PARD6G: variants seen among roughly 807,000 people sequenced by gnomAD.
The protein encoded by PARD6G is partitioning defective 6 homolog gamma.
PARD6G carries 7 observed loss-of-function variants against 10.7 expected under a neutral mutation model. That is an observed-to-expected ratio of 0.66 (90% CI 0.37 to 1.23). The LOEUF (loss-of-function observed/expected upper bound fraction) is 1.23, where lower values mean the gene tolerates loss of function less well. Ranked by LOEUF, PARD6G falls within the 50% of genes most tolerant of loss-of-function variation. The probability of loss-of-function intolerance (pLI) is 0.02; values close to 1 mark genes in which losing one functional copy is unlikely to be tolerated. For synonymous variants in PARD6G, 287 were observed against 269.4 expected, an observed-to-expected ratio of 1.07 and a Z score of -0.64; for missense variants, 548 against 571.8, an observed-to-expected ratio of 0.96 and a Z score of 0.42.
chr18:80,238,075 T>C (rs1049175579), intron 1 of PARD6G, among the ~76,000 whole-genome samples: 2 of 152,296 alleles, frequency 1.3e-5, no homozygotes, highest in Non-Finnish European at 2.9e-5. Context: ...CTGTTCACAA[T>C]AGCAAAGACT....
Position 80,192,302 on chromosome 18 carries a change from C to T in PARD6G, c.295+10408G>A, listed in dbSNP as rs1206528720. 1.3e-5 allele frequency among the ~76,000 whole-genome samples: 2 copies of T among 152,238 alleles called. No individual in the cohort carries two copies. The highest frequency in any genetic ancestry group is 2.9e-5 in the Non-Finnish European group (2 of 68,046). ...CAGTGCAGGCAGAGGGGCCTTCTGG[C>T]CTCAGCTCCAGCTCAAGGGGGTCTT... On this transcript the variant is annotated intron_variant, in intron 2 of 2. Coordinates refer to ENST00000353265, the MANE Select transcript of PARD6G (RefSeq NM_032510.4). This position sits in a 1 kb window ranked among gnomAD's most constrained non-coding sequence, Gnocchi z 4.9.
intron 1 of PARD6G, among the ~76,000 whole-genome samples, chr18:80,219,654 G>A (rs1967208674): frequency 6.6e-6 from 1 of 152,110 alleles, no homozygotes; most frequent in Admixed American, 6.6e-5. Context: ...AGATTTCTAG[G>A]GCAGGGACAA....
rs2145288503 is a variant in PARD6G, at chr18:80,213,352, T to C, written c.73-10420A>G. Among the ~76,000 whole-genome samples, 4 of 152,298 alleles carry C rather than the reference T, an allele frequency of 2.6e-5. No homozygotes were observed. In the South Asian group the frequency reaches 8.3e-4, roughly 32 times the overall value. ...CATGAAAGACCTGAGGCACCTGTGA[T>C]CTTTTACATCTGACTCTGGGGTTCT... is the stretch of plus-strand genomic sequence containing the variant. On this transcript the variant is annotated intron_variant, in intron 1 of 2. Transcript: ENST00000353265.
In PARD6G at chr18:80,211,631, T is replaced by A. The variant is rs149174000; in HGVS notation, c.73-8699A>T. Among the ~76,000 whole-genome samples, 1,132 of 152,330 alleles carry A rather than the reference T, an allele frequency of 7.4e-3. 11 individuals carry two copies. The highest frequency in any genetic ancestry group is 0.011 in the Admixed American group (169 of 15,294). On this transcript the variant is annotated intron_variant, in intron 1 of 2. Transcript: ENST00000353265. Reference sequence around the variant, plus strand: ...TATATCCATGTCCATAGCAGCATCATTCACAATAGCTAGAATGTAAAAACC... The same window carrying A: ...TATATCCATGTCCATAGCAGCATCAATCACAATAGCTAGAATGTAAAAACC...
Position 80,202,759 on chromosome 18 carries a change from C to A in PARD6G, c.246G>T (p.Lys82Asn), listed in dbSNP as rs758747873. The A allele has an allele frequency of 3.1e-6, 5 of 1,613,852 alleles. No individual in the cohort carries two copies. In the South Asian group the frequency reaches 5.5e-5, roughly 18 times the overall value. The part of the protein sequence containing the change: ...LPINNDDNFC[K>N]AVSSANPLLR... ...GCAGGGGATTTGCACTAGAAACCGCCTTGCAGAAGTTGTCATCATTGTTGA... is the reference window on the plus strand; with the variant it reads ...GCAGGGGATTTGCACTAGAAACCGCATTGCAGAAGTTGTCATCATTGTTGA... The change falls in exon 2 of 3, where the codon AAG (lysine) becomes AAT (asparagine). Residue 82 changes from lysine (K) to asparagine (N), a missense_variant. Lys to Asn is a moderately conservative substitution (Grantham distance 94). Coordinates refer to ENST00000353265, the MANE Select transcript of PARD6G (RefSeq NM_032510.4).
chr18:80,214,520 A>T (rs187908746), intron 1 of PARD6G, among the ~76,000 whole-genome samples: 1 of 152,310 alleles, frequency 6.6e-6, no homozygotes, highest in Non-Finnish European at 1.5e-5. Flanking sequence ...AGAGATAACA[A>T]TTATAAAAGT....
chr18:80,195,529 A>G (rs1383411758), intron 2 of PARD6G, among the ~76,000 whole-genome samples: 2 of 144,762 alleles, frequency 1.4e-5, no homozygotes, highest in African/African-American at 2.6e-5. Context: ...GTCCCACACA[A>G]TAAGAGTCTT....
chr18:80,239,691 G>A, intron 1 of PARD6G, among the ~76,000 whole-genome samples: 1 of 152,236 alleles, frequency 6.6e-6, no homozygotes, highest in Non-Finnish European at 1.5e-5. Flanking sequence ...AAATAGCTAT[G>A]TGGGCTTTTA....
At position 80,228,354 on chromosome 18, in the gene PARD6G, A is replaced by G. The variant is rs545564379; in HGVS notation, c.72+18923T>C. On this transcript the variant is annotated intron_variant, in intron 1 of 2. Coordinates refer to ENST00000353265, the MANE Select transcript of PARD6G (RefSeq NM_032510.4). This position sits in a 1 kb window ranked among gnomAD's most constrained non-coding sequence, Gnocchi z 4.6. ...TCCCGGACACACGGTCCTGGAGAAC[A>G]CAGGCCACATGCACAAGGCCACCCA... Among the ~76,000 whole-genome samples, 105 of 152,254 alleles carry G rather than the reference A, an allele frequency of 6.9e-4. 2 individuals carry two copies. Among genetic ancestry groups the G allele is most frequent in the Non-Finnish European group, 9.4e-4 (64 of 67,994 alleles).
At chr18:80,213,111 C>A (rs887633096) in intron 1 of PARD6G, among the ~76,000 whole-genome samples, 1 of 152,132 alleles carries the variant, frequency 6.6e-6, no homozygotes, top group Non-Finnish European at 1.5e-5. Flanking sequence ...TTTCCAAGAA[C>A]CTATCGATGA....
chr18:80,168,326 C>T (rs2052750306), intron 2 of PARD6G, among the ~76,000 whole-genome samples: 1 of 152,108 alleles, frequency 6.6e-6, no homozygotes, highest in Non-Finnish European at 1.5e-5. Context: ...TGCATATGGA[C>T]TTCATTAGTG....
At chr18:80,211,985 A>G (rs1470974512) in intron 1 of PARD6G, among the ~76,000 whole-genome samples, 1 of 152,170 alleles carries the variant, frequency 6.6e-6, no homozygotes, top group Non-Finnish European at 1.5e-5. Context: ...ATGGCTGCGT[A>G]ACAATATGAA....
chr18:80,176,955 A>G (rs8083534), intron 2 of PARD6G, among the ~76,000 whole-genome samples: 28,936 of 150,628 alleles, frequency 0.19, 2,940 homozygotes, highest in Middle Eastern at 0.31. Context: ...GCATGCACAC[A>G]CACACAGGCA....
At chr18:80,235,351 T>C (rs55714640) in intron 1 of PARD6G, among the ~76,000 whole-genome samples, 28,304 of 151,794 alleles carry the variant, frequency 0.19, 2,848 homozygotes, top group Middle Eastern at 0.28. Context: ...TGGGACACAT[T>C]CAAAGCAGTG....
intron 2 of PARD6G, among the ~76,000 whole-genome samples, chr18:80,194,962 G>A (rs1005946155): frequency 7.2e-5 from 11 of 152,132 alleles, no homozygotes; most frequent in Admixed American, 4.6e-4. Context: ...CCACTGTTGC[G>A]TCTCACTGTG....
chr18:80,179,504 T>C (rs1049657335), intron 2 of PARD6G, among the ~76,000 whole-genome samples: 2 of 152,190 alleles, frequency 1.3e-5, no homozygotes, highest in Non-Finnish European at 2.9e-5. Flanking sequence ...CCCAGTGACA[T>C]GCCACTGCCT....
intron 1 of PARD6G, 52 bp from the exon 2 acceptor site, chr18:80,202,984 A>G: frequency 1.1e-6 from 1 of 910,484 alleles, no homozygotes; most frequent in Non-Finnish European, 1.8e-6. Flanking sequence ...ATACCAGAGA[A>G]ATATCCAGAA....
At chr18:80,244,368 A>T (rs1290086827) in intron 1 of PARD6G, among the ~76,000 whole-genome samples, 1 of 152,134 alleles carries the variant, frequency 6.6e-6, no homozygotes, top group African/African-American at 2.4e-5. Flanking sequence ...GGAGAAGTAT[A>T]AGGGCTGCAA....
rs999180069 is a variant in PARD6G at position 80,180,961 on chromosome 18, C to T, written c.296-20355G>A. On this transcript the variant is annotated intron_variant, in intron 2 of 2. Transcript: ENST00000353265. The surrounding 1 kb of genome is among the most constrained non-coding windows in gnomAD (Gnocchi z 5.6). Reference sequence around the variant, plus strand: ...TGCCCCACAGCAAAGAAATGTCCAGCGCAGAACGTCAGCAGTGCTGAGGGT... The same window carrying T: ...TGCCCCACAGCAAAGAAATGTCCAGTGCAGAACGTCAGCAGTGCTGAGGGT... 3.9e-5 allele frequency among the ~76,000 whole-genome samples: 6 copies of T among 152,328 alleles called. No homozygotes were observed. The highest frequency in any genetic ancestry group is 3.9e-4 in the East Asian group (2 of 5,194).
Sources: allele counts gnomAD v4.1 joint callset (sites outside exome capture counted in the v4.1 genomes callset), GRCh38; gene constraint gnomAD v4.1.1; non-coding constraint Gnocchi (gnomAD v3.1); transcripts MANE v1.5; gene names NCBI Gene and HGNC (gene_info 2026-07-23, HGNC 2026-07-21).